The following SMNDC1 variants were observed in gnomAD, a reference collection of about 807,000 sequenced individuals.
The protein encoded by SMNDC1 is survival of motor neuron-related-splicing factor 30.
A neutral mutation model predicts 29.2 loss-of-function variants in SMNDC1; 5 were observed. The ratio of observed to expected loss-of-function variants is 0.17; its 90% confidence interval spans 0.09 to 0.36. The LOEUF (loss-of-function observed/expected upper bound fraction) is 0.36, where lower values mean the gene tolerates loss of function less well. Ranked by LOEUF, SMNDC1 falls within the 10% of genes least tolerant of loss-of-function variation. The pLI, the probability that SMNDC1 is intolerant of heterozygous loss-of-function variation, is 1.00. For synonymous variants in SMNDC1, 80 were observed against 89.9 expected (o/e 0.89, Z 0.62); for missense variants, 142 against 268.5 (o/e 0.53, Z 3.29).
Position 110,291,198 on chromosome 10 carries a change from G to A in SMNDC1, c.*2952C>T, listed in dbSNP as rs1314047218. Reference sequence around the variant, plus strand: ...GGGGATGCACATCAGGATCACCTGCGGTGTTCGTCAAACAACATACCTTGG... The same window carrying A: ...GGGGATGCACATCAGGATCACCTGCAGTGTTCGTCAAACAACATACCTTGG... On this transcript the variant is annotated 3_prime_UTR_variant, in exon 6 of 6. Coordinates refer to ENST00000369603, the MANE Select transcript of SMNDC1 (RefSeq NM_005871.4). 2 of 152,160 alleles carry A rather than the reference G, an allele frequency of 1.3e-5. No homozygotes were observed. The highest frequency in any genetic ancestry group is 2.9e-5 in the Non-Finnish European group (2 of 68,034). The allele number at this position is 152,160 out of a possible 1,614,324, so 9.4% of individuals were successfully genotyped here.
rs934918820 is a variant in SMNDC1 at position 110,291,574 on chromosome 10, T to C, written c.*2576A>G. ...ACGCTTCTATAGTGCTTATGCCGGA[T>C]ACTCTTAAGCTATTTACACATTTGA... On this transcript the variant is annotated 3_prime_UTR_variant, in exon 6 of 6. Coordinates refer to ENST00000369603, the MANE Select transcript of SMNDC1 (RefSeq NM_005871.4). 6.6e-6 allele frequency: 1 copy of C among 152,234 alleles called. No homozygotes were observed. Among genetic ancestry groups the C allele is most frequent in the Non-Finnish European group, 1.5e-5 (1 of 68,048 alleles). 9.4% of individuals were successfully genotyped at this position (152,234 alleles called of 1,614,324 possible). A position where few individuals can be genotyped will look rare whatever the true frequency, so the allele number is the denominator to read the frequency against.
chr10:110,292,924 C>G lies in SMNDC1; in HGVS notation c.*1226G>C, dbSNP rs891601312. ...AATGGAAGGAATACTTAAGCATTTACTGAAACCTCTCACACACTCAGTATT... is the reference window on the plus strand; with the variant it reads ...AATGGAAGGAATACTTAAGCATTTAGTGAAACCTCTCACACACTCAGTATT... On this transcript the variant is annotated 3_prime_UTR_variant, in exon 6 of 6. Transcript: ENST00000369603. The G allele has an allele frequency of 6.6e-6, 1 of 150,392 alleles. No homozygotes were observed. The highest frequency in any genetic ancestry group is 2.5e-5 in the African/African-American group (1 of 39,724). 9.3% of individuals were successfully genotyped at this position (150,392 alleles called of 1,614,324 possible). A position where few individuals can be genotyped will look rare whatever the true frequency, so the allele number is the denominator to read the frequency against.
At chr10:110,295,104 G>T in intron 5 of SMNDC1, 124 bp downstream of exon 5, 1 of 808,396 alleles carries the variant, frequency 1.2e-6, no homozygotes, top group Non-Finnish European at 1.9e-6. Flanking sequence ...CATCAACAAG[G>T]ATTCGGAATA....
At chr10:110,298,137 C>T (rs1185771152) in intron 3 of SMNDC1, among the ~76,000 whole-genome samples, 9 of 152,174 alleles carry the variant, frequency 5.9e-5, no homozygotes, top group East Asian at 1.9e-4. Context: ...TACAGGCACA[C>T]GCCACCACAC....
At position 110,294,294 on chromosome 10, in the gene SMNDC1, G is replaced by C; in HGVS notation, c.580-7C>G. 1 of 1,564,250 alleles carries C rather than the reference G, an allele frequency of 6.4e-7. No individual in the cohort carries two copies. The highest frequency in any genetic ancestry group is 8.6e-7 in the Non-Finnish European group (1 of 1,163,172). ...CAAAAATACTCCTCTTTACCTAAGG[G>C]AAAGAAAACAGAAATCATTCCTGAT... On this transcript the variant is annotated splice_region_variant and splice_polypyrimidine_tract_variant and intron_variant, in intron 5 of 5. Coordinates refer to ENST00000369603, the MANE Select transcript of SMNDC1 (RefSeq NM_005871.4).
intron 5 of SMNDC1, among the ~76,000 whole-genome samples, chr10:110,294,944 ACTGCCT>A (rs1034337884): frequency 2.6e-5 from 4 of 152,250 alleles, no homozygotes; most frequent in African/African-American, 9.6e-5. Context: ...AGTTAAGCAC[ACTGCCT>A]CTAAGTAGCA....
In SMNDC1 at chr10:110,298,688, C is replaced by A; in HGVS notation, c.223G>T (p.Val75Leu). The A allele has an allele frequency of 6.2e-7, 1 of 1,613,724 alleles. No individual in the cohort carries two copies. Among genetic ancestry groups the A allele is most frequent in the Non-Finnish European group, 8.5e-7 (1 of 1,179,760 alleles). ...CAGACTGCCATACACTTGTCTCCTACTTTCCATGAATGAGTAGGTTGAGTA... is the reference window on the plus strand; with the variant it reads ...CAGACTGCCATACACTTGTCTCCTAATTTCCATGAATGAGTAGGTTGAGTA... ...ASTQPTHSWK[V>L]GDKCMAVWSE... Residue 75 changes from valine to leucine, a missense_variant, in exon 3 of 6, where the codon GTA becomes TTA. This residue lies in a region of SMNDC1 where 65 missense variants were observed against 75.9 expected (regional missense o/e 0.86). Coordinates refer to ENST00000369603, the MANE Select transcript of SMNDC1 (RefSeq NM_005871.4).
rs1256323872 is a variant in SMNDC1, at chr10:110,292,725, G to C, written c.*1425C>G. 5.3e-5 allele frequency: 8 copies of C among 152,154 alleles called. No homozygotes were observed. The highest frequency in any genetic ancestry group is 1.7e-4 in the African/African-American group (7 of 41,490). The allele number at this position is 152,154 out of a possible 1,614,324, so 9.4% of individuals were successfully genotyped here. ...GGTTGAGAGGGGTGGGTGTGGAAGG[G>C]AGAGATGAAGAATTCTACCTACCAC... On this transcript the variant is annotated 3_prime_UTR_variant, in exon 6 of 6. Coordinates refer to ENST00000369603, the MANE Select transcript of SMNDC1 (RefSeq NM_005871.4).
chr10:110,299,665 C>T (rs1196103963), intron 2 of SMNDC1, among the ~76,000 whole-genome samples: 4 of 152,142 alleles, frequency 2.6e-5, no homozygotes, highest in African/African-American at 9.7e-5. Flanking sequence ...TAGCTGTTCA[C>T]CCATTGTTGC....
intron 2 of SMNDC1, chr10:110,300,776 T>C: frequency 1.1e-6 from 1 of 931,842 alleles, no homozygotes; most frequent in Non-Finnish European, 1.3e-6. Flanking sequence ...CCTGCCTCCT[T>C]TAGAACCAGC....
chr10:110,303,255 A>T (rs1857683671), intron 2 of SMNDC1, among the ~76,000 whole-genome samples: 1 of 152,228 alleles, frequency 6.6e-6, no homozygotes, highest in African/African-American at 2.4e-5. Flanking sequence ...GTAAGCACAC[A>T]AGATTTATAT....
At chr10:110,294,851 G>C (rs1857542982) in intron 5 of SMNDC1, among the ~76,000 whole-genome samples, 1 of 152,218 alleles carries the variant, frequency 6.6e-6, no homozygotes, top group Non-Finnish European at 1.5e-5. Flanking sequence ...CACAAGGTAA[G>C]TGTATCAAGG....
chr10:110,297,487 C>T, intron 4 of SMNDC1, 80 bp downstream of exon 4: 1 of 1,300,772 alleles, frequency 7.7e-7, no homozygotes. Flanking sequence ...CTTTCTTATG[C>T]ATAGATTCTC....
At chr10:110,301,196 C>T (rs1338196185) in intron 2 of SMNDC1, among the ~76,000 whole-genome samples, 5 of 152,102 alleles carry the variant, frequency 3.3e-5, no homozygotes, top group Admixed American at 2.6e-4. Context: ...ATATAACAAG[C>T]TGAATTAAAT....
Position 110,296,823 on chromosome 10 carries a change from G to T in SMNDC1, c.425+744C>A, listed in dbSNP as rs144493735. Among the ~76,000 whole-genome samples, 277 of 151,914 alleles carry T rather than the reference G, an allele frequency of 1.8e-3. 1 individual carries two copies. Among genetic ancestry groups the T allele is most frequent in the Non-Finnish European group, 3.2e-3 (217 of 67,950 alleles). ...TCCAGGCCCCAAGTTTTTACCACAGGGATTTGTTACTTGTACGTGCTCACC... is the reference window on the plus strand; with the variant it reads ...TCCAGGCCCCAAGTTTTTACCACAGTGATTTGTTACTTGTACGTGCTCACC... On this transcript the variant is annotated intron_variant, in intron 4 of 5. Coordinates refer to ENST00000369603, the MANE Select transcript of SMNDC1 (RefSeq NM_005871.4).
At chr10:110,300,841 C>T in intron 2 of SMNDC1, 2 of 402,572 alleles carry the variant, frequency 5.0e-6, no homozygotes, top group Non-Finnish European at 6.7e-6. Context: ...ATAGACTGCC[C>T]GGGGAGCTAG....
At chr10:110,301,212 T>C (rs978490028) in intron 2 of SMNDC1, among the ~76,000 whole-genome samples, 3 of 145,678 alleles carry the variant, frequency 2.1e-5, no homozygotes, top group Admixed American at 1.4e-4. Flanking sequence ...TAAATACCCA[T>C]AGCATGAGAT....
At chr10:110,299,142 T>C (rs551779783) in intron 2 of SMNDC1, among the ~76,000 whole-genome samples, 13 of 152,234 alleles carry the variant, frequency 8.5e-5, no homozygotes, top group Non-Finnish European at 1.6e-4. Flanking sequence ...GGCACTGAAT[T>C]AGATACTCTT....
Position 110,294,079 on chromosome 10 carries a change from C to T in SMNDC1, c.*71G>A, listed in dbSNP as rs942499072. 1 of 1,254,880 alleles carries T rather than the reference C, an allele frequency of 8.0e-7. No individual in the cohort carries two copies. The highest frequency in any genetic ancestry group is 1.1e-6 in the Non-Finnish European group (1 of 938,634). The allele number at this position is 1,254,880 out of a possible 1,614,324, so 77.7% of individuals were successfully genotyped here. On this transcript the variant is annotated 3_prime_UTR_variant, in exon 6 of 6. Coordinates refer to ENST00000369603, the MANE Select transcript of SMNDC1 (RefSeq NM_005871.4). The stretch of plus-strand genomic sequence containing the variant: ...CTTACTCATCTAACAAATAATTTAC[C>T]TTTAGAAAAATATAAGGATAAAAAG...
Sources: allele counts gnomAD v4.1 joint callset (sites outside exome capture counted in the v4.1 genomes callset), GRCh38; gene constraint gnomAD v4.1.1; regional missense constraint gnomAD v4.1.1; transcripts MANE v1.5; gene names NCBI Gene and HGNC (gene_info 2026-07-23, HGNC 2026-07-21).